Variants in RAP1GDS1 observed in about 807,000 individuals in gnomAD.
The protein encoded by RAP1GDS1 is Rap1 GTPase-GDP dissociation stimulator 1, also known as RAP1, GTP-GDP dissociation stimulator 1.
A neutral mutation model predicts 71.1 loss-of-function variants in RAP1GDS1; 35 were observed. That is an observed-to-expected ratio of 0.49 (90% CI 0.38 to 0.65). RAP1GDS1 has a LOEUF of 0.65. RAP1GDS1 is among the 30% of genes least tolerant of loss of function. The pLI is 0.00. For synonymous variants in RAP1GDS1, 229 were observed against 243.1 expected, an observed-to-expected ratio of 0.94 and a Z score of 0.54; for missense variants, 663 against 706.1, an observed-to-expected ratio of 0.94 and a Z score of 0.69.
chr4:98,289,559 A>C (rs1242082031), intron 1 of RAP1GDS1, among the ~76,000 whole-genome samples: 1 of 130,390 alleles, frequency 7.7e-6, no homozygotes, highest in Non-Finnish European at 1.7e-5. Context: ...GTAAACAAAA[A>C]AAAAAAAAAA....
At chr4:98,341,134 A>G (rs899107983) in intron 2 of RAP1GDS1, among the ~76,000 whole-genome samples, 9 of 152,186 alleles carry the variant, frequency 5.9e-5, no homozygotes, top group African/African-American at 2.2e-4. Flanking sequence ...GAAAAATGGT[A>G]GTTCCCAGAC....
chr4:98,433,569 C>T (rs1044356614), intron 12 of RAP1GDS1, among the ~76,000 whole-genome samples: 4 of 152,152 alleles, frequency 2.6e-5, no homozygotes, highest in African/African-American at 7.2e-5. Context: ...CCTGAGCCAC[C>T]GTGCCCAGCT....
At chr4:98,436,078 A>AT (rs1561018082) in intron 13 of RAP1GDS1, among the ~76,000 whole-genome samples, 9 of 143,684 alleles carry the variant, frequency 6.3e-5, no homozygotes, top group Admixed American at 1.4e-4. Flanking sequence ...CTCAAAAAAA[A>AT]AATATATATA....
intron 14 of RAP1GDS1, among the ~76,000 whole-genome samples, chr4:98,437,823 A>G (rs1751354335): frequency 6.6e-6 from 1 of 151,968 alleles, no homozygotes; most frequent in Non-Finnish European, 1.5e-5. Context: ...TTTTTCAACA[A>G]ATCATTGGTA....
intron 4 of RAP1GDS1, among the ~76,000 whole-genome samples, chr4:98,368,031 G>T (rs1484162402): frequency 6.6e-6 from 1 of 152,114 alleles, no homozygotes; most frequent in African/African-American, 2.4e-5. Flanking sequence ...ATTTGGCTGT[G>T]TCCCCACCCA....
chr4:98,372,614 C>G (rs907290316), intron 4 of RAP1GDS1, among the ~76,000 whole-genome samples: 1 of 152,188 alleles, frequency 6.6e-6, no homozygotes, highest in African/African-American at 2.4e-5. Flanking sequence ...CACTTCCTCC[C>G]TTAAATCTTT....
intron 14 of RAP1GDS1, chr4:98,441,580 A>G: frequency 1.0e-6 from 1 of 985,154 alleles, no homozygotes; most frequent in Non-Finnish European, 1.2e-6. Flanking sequence ...CTTACATTGT[A>G]GAACTTGACG....
rs1560739076 is a variant in RAP1GDS1, at chr4:98,263,804, A to G, written c.4+2235A>G. Among the ~76,000 whole-genome samples, 3 of 152,190 alleles carry G rather than the reference A, an allele frequency of 2.0e-5. No homozygotes were observed. The South Asian group carries it at 6.2e-4, about 31-fold the overall frequency. On this transcript the variant is annotated intron_variant, in intron 1 of 14. Transcript: ENST00000408927. ...ACATTTGGGTTGGTACATATTATCT[A>G]GTTGGGGGATAAGCAGAAACAGAAA...
intron 6 of RAP1GDS1, among the ~76,000 whole-genome samples, chr4:98,402,602 C>G (rs546200863): frequency 1.3e-5 from 2 of 152,186 alleles, no homozygotes; most frequent in Middle Eastern, 3.4e-3. Flanking sequence ...ACAATGTGCA[C>G]CAAAGCAGTG....
intron 1 of RAP1GDS1, among the ~76,000 whole-genome samples, chr4:98,271,147 A>G (rs1233338119): frequency 6.6e-6 from 1 of 152,072 alleles, no homozygotes; most frequent in Non-Finnish European, 1.5e-5. Flanking sequence ...TGCATTGTTC[A>G]AGGGTCAACA....
chr4:98,420,753 A>AG (rs1211281918), intron 11 of RAP1GDS1, among the ~76,000 whole-genome samples: 1 of 152,142 alleles, frequency 6.6e-6, no homozygotes, highest in Admixed American at 6.5e-5. Context: ...CAGTTTCGGC[A>AG]GGGGGTGTTG....
intron 6 of RAP1GDS1, among the ~76,000 whole-genome samples, chr4:98,398,387 G>A (rs1744867062): frequency 6.6e-6 from 1 of 152,064 alleles, no homozygotes; most frequent in Non-Finnish European, 1.5e-5. Context: ...AATGTCCTAA[G>A]GAATGAAAAT....
intron 4 of RAP1GDS1, among the ~76,000 whole-genome samples, chr4:98,364,073 T>G (rs1218332252): frequency 6.6e-6 from 1 of 152,172 alleles, no homozygotes; most frequent in African/African-American, 2.4e-5. Context: ...GCAGGCATTA[T>G]TAAGTCTGAG....
chr4:98,276,855 C>G (rs1356278464), intron 1 of RAP1GDS1, among the ~76,000 whole-genome samples: 1 of 152,078 alleles, frequency 6.6e-6, no homozygotes, highest in Non-Finnish European at 1.5e-5. Context: ...ATTTTTAAGT[C>G]TGAAATCTTC....
intron 3 of RAP1GDS1, among the ~76,000 whole-genome samples, chr4:98,349,616 ATTTG>A (rs1233168582): frequency 1.3e-5 from 2 of 152,158 alleles, no homozygotes; most frequent in African/African-American, 4.8e-5. Context: ...ATGTTCTTCC[ATTTG>A]TTTGTGTCCT....
chr4:98,412,860 G>A (rs978113928), intron 7 of RAP1GDS1, among the ~76,000 whole-genome samples: 2 of 152,112 alleles, frequency 1.3e-5, no homozygotes, highest in Non-Finnish European at 2.9e-5. Context: ...GGAGTGTACA[G>A]GGAGTAGGTC....
At chr4:98,351,995 T>C (rs1224924741) in intron 3 of RAP1GDS1, among the ~76,000 whole-genome samples, 2 of 150,420 alleles carry the variant, frequency 1.3e-5, no homozygotes, top group Non-Finnish European at 3.0e-5. Context: ...TTTATACATA[T>C]GTATATACTT....
At chr4:98,302,330 A>G (rs1394713571) in intron 2 of RAP1GDS1, among the ~76,000 whole-genome samples, 1 of 152,162 alleles carries the variant, frequency 6.6e-6, no homozygotes, top group Admixed American at 6.5e-5. Flanking sequence ...AATTGAAGAA[A>G]ATGACAAAAT....
At chr4:98,396,895 G>GTGTT (rs1411594916) in intron 6 of RAP1GDS1, 6 of 152,084 alleles carry the variant, frequency 3.9e-5, no homozygotes, top group Admixed American at 2.6e-4. Context: ...TTTAATAAAA[G>GTGTT]TGTTAAATAA....
Sources: gnomAD v4.1 joint callset for allele counts (sites outside exome capture counted in the v4.1 genomes callset) on GRCh38, gnomAD v4.1.1 for gene constraint, MANE v1.5 for transcripts, NCBI Gene and HGNC (gene_info 2026-07-23, HGNC 2026-07-21) for gene names.